Variants in ZNF235 observed in about 807,000 individuals in gnomAD.
ZNF235 encodes zfp-93.
In ZNF235, 25 loss-of-function variants were observed where a neutral mutation model predicts 29.4. That is an observed-to-expected ratio of 0.85 (90% CI 0.62 to 1.19). The LOEUF is 1.19. ZNF235 is among the 50% of genes most tolerant of loss of function. The probability of loss-of-function intolerance (pLI) is 0.00; values close to 1 mark genes in which losing one functional copy is unlikely to be tolerated. For synonymous variants in ZNF235, 300 were observed against 295.3 expected, an observed-to-expected ratio of 1.02 and a Z score of -0.16; for missense variants, 788 against 885.0, an observed-to-expected ratio of 0.89 and a Z score of 1.39.
chr19:44,288,046 C>T lies in ZNF235; in HGVS notation c.1389G>A (p.Glu463=). The change falls in exon 5 of 5, where the codon GAG becomes GAA. Residue 463 remains glutamate (E), a synonymous_variant. Transcript: ENST00000291182. The part of the protein sequence containing the change: ...HTEEKPYKCD[E]CGKCFSLSFN... ...AGCTCAAACTAAAGCACTTACCACACTCATCACATTTGTATGGTTTTTCTT... is the reference window on the plus strand; with the variant it reads ...AGCTCAAACTAAAGCACTTACCACATTCATCACATTTGTATGGTTTTTCTT... 1 of 1,613,910 alleles carries T rather than the reference C, an allele frequency of 6.2e-7. No individual in the cohort carries two copies. The highest frequency in any genetic ancestry group is 1.3e-5 in the African/African-American group (1 of 74,982).
chr19:44,289,251 G>C, intron 4 of ZNF235, 55 bp from the exon 5 acceptor site: 2 of 1,464,114 alleles, frequency 1.4e-6, no homozygotes, highest in Non-Finnish European at 1.8e-6. Context: ...CATTAGCAAA[G>C]TAGAGAATTA....
At chr19:44,302,202 A>G (rs751799071) in intron 2 of ZNF235, among the ~76,000 whole-genome samples, 1 of 152,200 alleles carries the variant, frequency 6.6e-6, no homozygotes, top group Non-Finnish European at 1.5e-5. Flanking sequence ...TAAAGATTAA[A>G]AAAATGGTAG....
chr19:44,288,097 A>T lies in ZNF235; in HGVS notation c.1338T>A (p.Leu446=). Residue 446 remains leucine (L), a synonymous_variant, in exon 5 of 5, where the codon CTT becomes CTA. Transcript: ENST00000291182. ...CGKRFSCSSN[L]HTHQRVHTEE... ...CAGTGTGGACTCTCTGATGGGTATG[A>T]AGATTTGAGCTACAACTAAAGCGTT... 1 of 1,613,776 alleles carries T rather than the reference A, an allele frequency of 6.2e-7. No individual in the cohort carries two copies. Among genetic ancestry groups the T allele is most frequent in the Non-Finnish European group, 8.5e-7 (1 of 1,179,914 alleles).
Position 44,287,331 on chromosome 19 carries a change from G to C in ZNF235, c.2104C>G (p.Gln702Glu). The change falls in exon 5 of 5, where the codon CAG becomes GAG. Residue 702 changes from glutamine to glutamate, a missense_variant. Coordinates refer to ENST00000291182, the MANE Select transcript of ZNF235 (RefSeq NM_004234.4). ...GGCCTCTCTCCAGTGTGGACTCTCT[G>C]GTGTGTGTGAAAATGTGAGGCCTGA... ...FSQASHFHTH[Q>E]RVHTGERPYI... The C allele has an allele frequency of 2.5e-6, 4 of 1,613,990 alleles. No homozygotes were observed. Among genetic ancestry groups the C allele is most frequent in the Non-Finnish European group, 3.4e-6 (4 of 1,179,936 alleles).
At position 44,303,488 on chromosome 19, in the gene ZNF235, G is replaced by A. The variant is rs755656033; in HGVS notation, c.-48-36C>T. 4.5e-6 allele frequency: 7 copies of A among 1,567,004 alleles called. No individual in the cohort carries two copies. The South Asian group carries it at 5.7e-5, about 13-fold the overall frequency. On this transcript the variant is annotated intron_variant, in intron 1 of 4. Transcript: ENST00000291182. ...GAAAGGCATCATGAGATAGGTTAGG[G>A]ATGGCATTAGTCACCATGGCACTTT... is the stretch of plus-strand genomic sequence containing the variant.
At chr19:44,298,785 G>A (rs1342894398) in intron 4 of ZNF235, 23 bp downstream of exon 4, 5 of 1,534,014 alleles carry the variant, frequency 3.3e-6, no homozygotes, top group African/African-American at 1.4e-5. Context: ...TGTTAACTAC[G>A]ATTCCGGCTG....
At chr19:44,302,355 G>A (rs1975750230) in intron 2 of ZNF235, among the ~76,000 whole-genome samples, 1 of 152,080 alleles carries the variant, frequency 6.6e-6, no homozygotes, top group Admixed American at 6.5e-5. Flanking sequence ...GGAAAATGAT[G>A]TGATCATTTA....
At position 44,303,448 on chromosome 19, in the gene ZNF235, T is replaced by C. The variant is rs1353505857; in HGVS notation, c.-44A>G. On this transcript the variant is annotated 5_prime_UTR_variant, in exon 2 of 5. Transcript: ENST00000291182. Reference sequence around the variant, plus strand: ...GGGAAAAGGCAGAGTTCCGGGGAAGTGAACCTGAGGGAGGGAAAGGCATCA... The same window carrying C: ...GGGAAAAGGCAGAGTTCCGGGGAAGCGAACCTGAGGGAGGGAAAGGCATCA... The C allele has an allele frequency of 1.9e-6, 3 of 1,604,678 alleles. No individual in the cohort carries two copies. The Admixed American group carries it at 5.0e-5, about 27-fold the overall frequency.
intron 1 of ZNF235, 159 bp downstream of exon 1, chr19:44,304,812 A>G: frequency 1.1e-5 from 11 of 985,432 alleles, no homozygotes; most frequent in Non-Finnish European, 1.3e-5. Flanking sequence ...CCCACGCAAG[A>G]GGTTCTGCCG....
intron 4 of ZNF235, 73 bp downstream of exon 4, chr19:44,298,735 G>C: frequency 8.6e-7 from 1 of 1,158,282 alleles, no homozygotes. Context: ...AGGTAGCTGA[G>C]TGGAGAAGAA....
chr19:44,295,721 T>A (rs1380932810), intron 4 of ZNF235, among the ~76,000 whole-genome samples: 5 of 152,062 alleles, frequency 3.3e-5, no homozygotes, highest in African/African-American at 1.2e-4. Context: ...CAAAACAGCA[T>A]CGTACTGATA....
chr19:44,302,157 G>T (rs1975747528), intron 2 of ZNF235, among the ~76,000 whole-genome samples: 1 of 152,176 alleles, frequency 6.6e-6, no homozygotes. Context: ...TCCATAAAAT[G>T]AGGTGCTGTG....
intron 4 of ZNF235, chr19:44,290,962 CA>C (rs1975577318): frequency 6.6e-6 from 1 of 152,042 alleles, no homozygotes; most frequent in African/African-American, 2.4e-5. Flanking sequence ...AAAACAAAAA[CA>C]ATAAATTATA....
Position 44,288,142 on chromosome 19 carries a change from A to T in ZNF235, c.1293T>A (p.Tyr431Ter), listed in dbSNP as rs1461731967. 1.2e-6 allele frequency: 2 copies of T among 1,613,632 alleles called. No individual in the cohort carries two copies. The highest frequency in any genetic ancestry group is 3.3e-5 in the Admixed American group (2 of 59,946). The change falls in exon 5 of 5, where the codon TAT (tyrosine) becomes TAA (stop). Residue 431 changes from tyrosine (Y) to a stop codon, truncating the protein, a stop_gained. Coordinates refer to ENST00000291182, the MANE Select transcript of ZNF235 (RefSeq NM_004234.4). LOFTEE classifies it high-confidence loss of function. The part of the protein sequence containing the change: ...HERIHTGEKP[Y>*]KCGDCGKRFS... ...AGCGTTTACCACAATCCCCACATTT[A>T]TATGGTTTCTCTCCAGTGTGAATTC...
chr19:44,287,808 A>G lies in ZNF235; in HGVS notation c.1627T>C (p.Tyr543His), dbSNP rs1761092891. ...HQRVHTGEKP[Y>H]KCEVCGKRFN... ...CGCTTCCCACACACTTCACATTTGT[A>G]TGGTTTTTCTCCAGTGTGGACTCTC... is the stretch of plus-strand genomic sequence containing the variant. Residue 543 changes from tyrosine to histidine, a missense_variant, in exon 5 of 5, where the codon TAC becomes CAC. Transcript: ENST00000291182. 7 of 1,614,026 alleles carry G rather than the reference A, an allele frequency of 4.3e-6. No homozygotes were observed. The highest frequency in any genetic ancestry group is 1.1e-5 in the South Asian group (1 of 91,066).
chr19:44,289,923 A>G (rs1183229429), intron 4 of ZNF235: 1 of 152,216 alleles, frequency 6.6e-6, no homozygotes, highest in African/African-American at 2.4e-5. Flanking sequence ...TGGAGATTTC[A>G]ATACCCCTTT....
At chr19:44,291,195 T>C (rs759631347) in intron 4 of ZNF235, among the ~76,000 whole-genome samples, 111 of 152,276 alleles carry the variant, frequency 7.3e-4, no homozygotes, top group South Asian at 1.0e-3. Flanking sequence ...AGTCAAGTCA[T>C]ACAAAGGGTA....
At chr19:44,296,314 GTTTT>G (rs1313683615) in intron 4 of ZNF235, among the ~76,000 whole-genome samples, 1 of 152,128 alleles carries the variant, frequency 6.6e-6, no homozygotes, top group Non-Finnish European at 1.5e-5. Context: ...ACTTTTCTAT[GTTTT>G]TTAAGTTTTC....
At chr19:44,295,660 T>C (rs1361827128) in intron 4 of ZNF235, among the ~76,000 whole-genome samples, 3 of 152,122 alleles carry the variant, frequency 2.0e-5, no homozygotes, top group African/African-American at 4.8e-5. Flanking sequence ...ATAACAAAGC[T>C]GGAGGCATTA....
Sources: allele counts gnomAD v4.1 joint callset (sites outside exome capture counted in the v4.1 genomes callset), GRCh38; gene constraint gnomAD v4.1.1; transcripts MANE v1.5; gene names NCBI Gene and HGNC (gene_info 2026-07-23, HGNC 2026-07-21).